Variants in COL1A2 observed in about 807,000 individuals in gnomAD.
The protein encoded by COL1A2 is collagen alpha-2(I) chain.
A neutral mutation model predicts 174.3 loss-of-function variants in COL1A2; 49 were observed. The ratio of observed to expected loss-of-function variants is 0.28; its 90% CI spans 0.22 to 0.36. COL1A2 has a LOEUF of 0.36. Among genes scored for constraint, COL1A2 ranks in the 10% least tolerant of loss-of-function variants. COL1A2 has a pLI of 1.00. For missense variants in COL1A2, 1,438 were observed against 1,822.7 expected (o/e 0.79, Z 3.84); for synonymous variants, 655 against 606.6 (o/e 1.08, Z -1.17).
intron 37 of COL1A2, 109 bp from the exon 38 acceptor site, chr7:94,420,900 T>C: frequency 8.8e-7 from 1 of 1,137,742 alleles, no homozygotes; most frequent in Non-Finnish European, 1.3e-6. Flanking sequence ...AGTCATTTTT[T>C]ATTTCTATAT....
Position 94,420,526 on chromosome 7 carries a change from G to C in COL1A2, c.2188-15G>C. ...GGGTCGGAATACCAGAGCTGTAACTGTTTATTTCCAACAGGGTGCTGCTGG... is the reference window on the plus strand; with the variant it reads ...GGGTCGGAATACCAGAGCTGTAACTCTTTATTTCCAACAGGGTGCTGCTGG... On this transcript the variant is annotated splice_polypyrimidine_tract_variant and intron_variant, in intron 36 of 51. Transcript: ENST00000297268. 6.2e-7 allele frequency: 1 copy of C among 1,614,026 alleles called. No individual in the cohort carries two copies. The highest frequency in any genetic ancestry group is 8.5e-7 in the Non-Finnish European group (1 of 1,179,970).
At chr7:94,417,858 G>A (rs763267111) in intron 32 of COL1A2, 27 bp downstream of exon 32, 26 of 1,536,656 alleles carry the variant, frequency 1.7e-5, no homozygotes, top group Non-Finnish European at 2.2e-5. Context: ...ATTACATATT[G>A]TTGATGAACT....
chr7:94,420,179 C>A (rs978774151), intron 34 of COL1A2, 54 bp from the exon 35 acceptor site: 5 of 1,610,176 alleles, frequency 3.1e-6, no homozygotes, highest in Non-Finnish European at 4.2e-6. Flanking sequence ...CCTCCCAGTT[C>A]TTTGAGCATC....
rs757332952 is a variant in COL1A2, at chr7:94,404,627, C to T, written c.324+27C>T. On this transcript the variant is annotated intron_variant, in intron 7 of 51. Coordinates refer to ENST00000297268, the MANE Select transcript of COL1A2 (RefSeq NM_000089.4). ...TAAGTACTGAAAGCTTGTAATGCCT[C>T]TTATGTAAAAAGACAGAGAATTAAG... 2.5e-6 allele frequency: 4 copies of T among 1,614,070 alleles called. No individual in the cohort carries two copies. In the South Asian group the frequency reaches 4.4e-5, roughly 18 times the overall value.
Position 94,429,257 on chromosome 7 carries a change from G to GC in COL1A2, c.3783dup (p.Asn1262GlnfsTer20). 1.2e-6 allele frequency: 2 copies of GC among 1,613,882 alleles called. No homozygotes were observed. The highest frequency in any genetic ancestry group is 1.7e-6 in the Non-Finnish European group (2 of 1,179,900). On this transcript the variant is annotated frameshift_variant, in exon 51 of 52. Coordinates refer to ENST00000297268, the MANE Select transcript of COL1A2 (RefSeq NM_000089.4). LOFTEE classifies it high-confidence loss of function. ...CCAACTTGCCTTCATGCGCCTGCTG[G>GC]CCAACTATGCCTCTCAGAACATCAC...
chr7:94,428,755 T>TGCCACACTC (rs1792338015), intron 50 of COL1A2, among the ~76,000 whole-genome samples: 1 of 152,244 alleles, frequency 6.6e-6, no homozygotes, highest in African/African-American at 2.4e-5. Context: ...GCCAGCTATA[T>TGCCACACTC]GCCACACTCA....
At chr7:94,409,911 T>C in intron 19 of COL1A2, 90 bp downstream of exon 19, 1 of 1,280,334 alleles carries the variant, frequency 7.8e-7, no homozygotes, top group Non-Finnish European at 1.1e-6. Flanking sequence ...TGTAGTTTTA[T>C]TATTCCTATT....
At chr7:94,397,611 T>G (rs1317442700) in intron 1 of COL1A2, 137 bp from the exon 2 acceptor site, 5 of 543,280 alleles carry the variant, frequency 9.2e-6, no homozygotes, top group Non-Finnish European at 1.7e-5. Context: ...CATTAAAATA[T>G]TCTTAAAAAA....
At chr7:94,417,463 C>T (rs1792064977) in intron 31 of COL1A2, 2 of 480,714 alleles carry the variant, frequency 4.2e-6, no homozygotes, top group Non-Finnish European at 7.6e-6. Context: ...TCCATGCCTG[C>T]CATCCTTAAG....
chr7:94,401,645 C>CA (rs763254263), intron 6 of COL1A2, 25 bp downstream of exon 6: 11 of 1,554,148 alleles, frequency 7.1e-6, no homozygotes, highest in East Asian at 7.0e-5. Context: ...TTATCTTAGC[C>CA]AAAAAAATTG....
Position 94,403,199 on chromosome 7 carries a change from G to A in COL1A2, c.280-1357G>A, listed in dbSNP as rs139593333. 5.6e-3 allele frequency among the ~76,000 whole-genome samples: 853 copies of A among 152,156 alleles called. 4 individuals are homozygous for A. Among genetic ancestry groups the A allele is most frequent in the Non-Finnish European group, 9.1e-3 (622 of 67,992 alleles). ...ATGGATTTCAGATACCCCTGTTTTCGGAACATCTGTCTTGGCATAAAGCAG... is the reference window on the plus strand; with the variant it reads ...ATGGATTTCAGATACCCCTGTTTTCAGAACATCTGTCTTGGCATAAAGCAG... On this transcript the variant is annotated intron_variant, in intron 6 of 51. Transcript: ENST00000297268.
chr7:94,424,906 C>T (rs1486242654), intron 41 of COL1A2: 1 of 594,398 alleles, frequency 1.7e-6, no homozygotes, highest in Non-Finnish European at 3.0e-6. Context: ...TACAGAGCAA[C>T]ATCCCGTGAT....
intron 3 of COL1A2, among the ~76,000 whole-genome samples, 183 bp from the exon 4 acceptor site, chr7:94,398,866 C>T (rs566772321): frequency 7.2e-5 from 11 of 152,110 alleles, no homozygotes; most frequent in South Asian, 4.2e-4. Flanking sequence ...AAAAAAATTA[C>T]GTATAATTAC....
chr7:94,398,956 T>C, intron 3 of COL1A2, 93 bp from the exon 4 acceptor site: 1 of 1,235,596 alleles, frequency 8.1e-7, no homozygotes, highest in South Asian at 1.2e-5. Flanking sequence ...TACATCAGTC[T>C]TACCAACTAA....
At chr7:94,397,718 T>C (rs372317949) in intron 1 of COL1A2, 30 bp from the exon 2 acceptor site, 46 of 1,213,336 alleles carry the variant, frequency 3.8e-5, no homozygotes, top group Non-Finnish European at 1.8e-5. Flanking sequence ...CTAATAATTG[T>C]TTCCTACTTT....
chr7:94,422,922 A>G (rs1289337765), intron 39 of COL1A2, 35 bp from the exon 40 acceptor site: 1 of 1,613,750 alleles, frequency 6.2e-7, no homozygotes, highest in Non-Finnish European at 8.5e-7. Flanking sequence ...TTGGTGATTA[A>G]CAGAAAGGAA....
intron 46 of COL1A2, 51 bp from the exon 47 acceptor site, chr7:94,426,957 G>T: frequency 3.3e-6 from 5 of 1,493,710 alleles, no homozygotes; most frequent in Non-Finnish European, 3.7e-6. Flanking sequence ...AAAAAAATAT[G>T]TCTCTTGACA....
chr7:94,404,935 A>G, intron 9 of COL1A2, 43 bp downstream of exon 9: 1 of 1,604,684 alleles, frequency 6.2e-7, no homozygotes, highest in South Asian at 1.1e-5. Flanking sequence ...CTATTTAAAT[A>G]CTCTTGCCTC....
chr7:94,411,977 GA>G (rs1791937828), intron 23 of COL1A2, 90 bp from the exon 24 acceptor site: 21 of 1,069,728 alleles, frequency 2.0e-5, no homozygotes, highest in South Asian at 1.5e-4. Flanking sequence ...AAAGTCGGGG[GA>G]AAAGGTGCCT....
Sources: allele counts gnomAD v4.1 joint callset (sites outside exome capture counted in the v4.1 genomes callset), GRCh38; gene constraint gnomAD v4.1.1; transcripts MANE v1.5; gene names NCBI Gene and HGNC (gene_info 2026-07-23, HGNC 2026-07-21).